MCF2: variants seen among roughly 807,000 people sequenced by gnomAD.
MCF2 encodes the protein MCF.2 cell line derived transforming sequence.
Under a neutral mutation model 82.5 loss-of-function variants are expected in MCF2, and 44 were observed. The ratio of observed to expected loss-of-function variants is 0.53; its 90% CI spans 0.42 to 0.69. MCF2 has a LOEUF of 0.69. Among genes scored for constraint, MCF2 ranks in the 30% least tolerant of loss-of-function variants. The probability of loss-of-function intolerance (pLI) is 0.00; values close to 1 mark genes in which losing one functional copy is unlikely to be tolerated. For missense variants in MCF2, 623 were observed against 663.1 expected, an observed-to-expected ratio of 0.94 and a Z score of 0.66; for synonymous variants, 217 against 224.9, an observed-to-expected ratio of 0.96 and a Z score of 0.32.
In MCF2 at chrX:139,604,667, A is replaced by G. The variant is rs1344816874; in HGVS notation, c.1743+14T>C. 2 of 1,116,538 alleles carry G rather than the reference A, an allele frequency of 1.8e-6. No homozygotes were observed. Among genetic ancestry groups the G allele is most frequent in the Non-Finnish European group, 2.4e-6 (2 of 833,920 alleles). The allele number at this position is 1,116,538 out of a possible 1,213,427, so 92.0% of individuals were successfully genotyped here. A position where few individuals can be genotyped will look rare whatever the true frequency, so the allele number is the denominator to read the frequency against. On this transcript the variant is annotated intron_variant, in intron 15 of 24. Coordinates refer to ENST00000370576, the Ensembl canonical transcript of MCF2. ...GTGCATATTTATATATATTTAAAAAATAATTTAACTAACCCTTTCCAGGAA... is the reference window on the plus strand; with the variant it reads ...GTGCATATTTATATATATTTAAAAAGTAATTTAACTAACCCTTTCCAGGAA...
At chrX:139,628,031 A>T (rs1445834693) in intron 4 of MCF2, among the ~76,000 whole-genome samples, 1 of 112,171 alleles carries the variant, frequency 8.9e-6, no homozygotes, top group Non-Finnish European at 1.9e-5. Context: ...CTTGTTGGGG[A>T]TGTAAATTAG....
chrX:139,681,566 G>T (rs1359456772), intron 1 of MCF2, among the ~76,000 whole-genome samples: 1 of 111,920 alleles, frequency 8.9e-6, no homozygotes, highest in Non-Finnish European at 1.9e-5. Flanking sequence ...ATTATTTTAT[G>T]TGTATCAAAA....
At chrX:139,692,166 G>A (rs1356520664) in intron 1 of MCF2, 4 of 1,037,303 alleles carry the variant, frequency 3.9e-6, no homozygotes, top group East Asian at 3.4e-5. Flanking sequence ...GTAGGGCCGG[G>A]CCCCTGCCGC....
upstream of MCF2, among the ~76,000 whole-genome samples, chrX:139,644,771 G>A (rs575660610): frequency 4.1e-4 from 46 of 111,666 alleles, 1 homozygote; most frequent in African/African-American, 1.2e-3. Context: ...TGGCAATGTT[G>A]GAATCTCAAA....
intron 1 of MCF2, among the ~76,000 whole-genome samples, chrX:139,683,491 A>C (rs1423717163): frequency 8.9e-6 from 1 of 112,447 alleles, no homozygotes; most frequent in Non-Finnish European, 1.9e-5. Context: ...CTAGTCTTAA[A>C]ATTCATATGG....
intron 10 of MCF2, among the ~76,000 whole-genome samples, chrX:139,614,531 G>A (rs1221673356): frequency 3.7e-5 from 4 of 108,993 alleles, no homozygotes; most frequent in African/African-American, 1.3e-4. Flanking sequence ...GTGTGTGTGT[G>A]TGTGTGTGTG....
chrX:139,612,826 T>C (rs976492800), intron 10 of MCF2, among the ~76,000 whole-genome samples: 1 of 111,950 alleles, frequency 8.9e-6, no homozygotes, highest in Non-Finnish European at 1.9e-5. Flanking sequence ...TTTATTAAGC[T>C]GCCTTCATCC....
rs150000637 is a variant in MCF2, at chrX:139,675,591, G to T, written c.-44-23803C>A. ...TGCAGGTCTGTTGGAGTTTGCTGGA[G>T]GTCCACTCCAGACTCTGTTTGCCTG... On this transcript the variant is annotated intron_variant, in intron 1 of 27. Coordinates refer to the MCF2 transcript ENST00000414978. Among the ~76,000 whole-genome samples, 950 of 112,381 alleles carry T rather than the reference G, an allele frequency of 8.5e-3. 13 individuals carry two copies. Among genetic ancestry groups the T allele is most frequent in the African/African-American group, 0.029 (900 of 30,905 alleles).
Position 139,629,049 on chromosome X carries a change from A to T in MCF2, c.438+646T>A, listed in dbSNP as rs552537643. Among the ~76,000 whole-genome samples the T allele has an allele frequency of 4.8e-4, 54 of 112,319 alleles. 1 individual carries two copies. The South Asian group carries it at 0.019, about 40-fold the overall frequency. Reference sequence around the variant, plus strand: ...ACTCCTCCTCAAAAATAAAAAATACAGCCATGCATCACTTAATGTTGGGGA... The same window carrying T: ...ACTCCTCCTCAAAAATAAAAAATACTGCCATGCATCACTTAATGTTGGGGA... On this transcript the variant is annotated intron_variant, in intron 4 of 24. Transcript: ENST00000370576.
intron 6 of MCF2, among the ~76,000 whole-genome samples, chrX:139,624,463 C>T (rs2148478517): frequency 9.3e-6 from 1 of 107,907 alleles, no homozygotes; most frequent in East Asian, 2.9e-4. Context: ...TGGCTTAAGC[C>T]CAGGAGTTTG....
intron 1 of MCF2, among the ~76,000 whole-genome samples, chrX:139,658,541 G>A (rs1934259891): frequency 9.1e-6 from 1 of 110,495 alleles, no homozygotes; most frequent in African/African-American, 3.3e-5. Flanking sequence ...TATTAACAAG[G>A]AAACTTTCTT....
chrX:139,674,763 C>T, intron 1 of MCF2, among the ~76,000 whole-genome samples: 1 of 111,655 alleles, frequency 9.0e-6, no homozygotes, highest in Non-Finnish European at 1.9e-5. Flanking sequence ...ACATTTTTTC[C>T]TTCATGTCAA....
Position 139,604,995 on chromosome X carries a change from T to A in MCF2, c.1558-11A>T. On this transcript the variant is annotated splice_polypyrimidine_tract_variant and intron_variant, in intron 13 of 24. Transcript: ENST00000370576. ...CTCCGCTCTATAACCCTACCCAAAA[T>A]AAATACATTCATGCATTTTAAAATA... 1.0e-6 allele frequency: 1 copy of A among 966,007 alleles called. No homozygotes were observed. The highest frequency in any genetic ancestry group is 1.4e-6 in the Non-Finnish European group (1 of 696,444). 79.6% of individuals were successfully genotyped at this position (966,007 alleles called of 1,213,427 possible). A position where few individuals can be genotyped will look rare whatever the true frequency, so the allele number is the denominator to read the frequency against.
At chrX:139,582,469 C>A (rs1223362785) in exon 25 of MCF2, 4 of 1,209,960 alleles carry the variant, frequency 3.3e-6, no homozygotes, top group Admixed American at 2.2e-5. Context: ...ATAGTAGCTT[C>A]ATCAATATAG....
rs148770270 is a variant in MCF2, at chrX:139,680,868, T to C, written c.-45+27238A>G. On this transcript the variant is annotated intron_variant, in intron 1 of 27. Transcript: ENST00000414978. ...ATCCAATTAAAATGACTTATTTTAG[T>C]TTGTAATGCATGCAGAAGAACACAC... Among the ~76,000 whole-genome samples the C allele has an allele frequency of 5.3e-5, 6 of 112,597 alleles. No individual in the cohort carries two copies. In the East Asian group the frequency reaches 1.7e-3, roughly 32 times the overall value.
At position 139,664,037 on chromosome X, in the gene MCF2, C is replaced by G. The variant is rs767569344; in HGVS notation, c.-44-12249G>C. 3.4e-4 allele frequency among the ~76,000 whole-genome samples: 37 copies of G among 110,215 alleles called. No homozygotes were observed. In the East Asian group the frequency reaches 4.6e-3, roughly 14 times the overall value. On this transcript the variant is annotated intron_variant, in intron 1 of 27. Transcript: ENST00000414978. ...TTTTGTTTTTTGAGGCAGAGTCTCT[C>G]TCTGTCACCCAGGCTGGAGTGCAGT...
At chrX:139,588,279 C>G in intron 21 of MCF2, 81 bp downstream of exon 25, 1 of 720,632 alleles carries the variant, frequency 1.4e-6, no homozygotes, top group Non-Finnish European at 2.1e-6. Context: ...CAGCCCCATT[C>G]TCTGGAAAAA....
chrX:139,619,752 C>A, intron 6 of MCF2, 46 bp from the exon 10 acceptor site: 1 of 993,462 alleles, frequency 1.0e-6, no homozygotes, highest in Non-Finnish European at 1.3e-6. Context: ...AAATTTATCC[C>A]CTTATGATCA....
At chrX:139,605,036 G>T (rs776491278) in intron 13 of MCF2, 52 bp from the exon 18 acceptor site, 1 of 661,963 alleles carries the variant, frequency 1.5e-6, no homozygotes, top group Admixed American at 3.1e-5. Context: ...ATGCACATTT[G>T]GTTGGGCTAC....
Sources: gnomAD v4.1 joint callset for allele counts (sites outside exome capture counted in the v4.1 genomes callset) on GRCh38, gnomAD v4.1.1 for gene constraint, MANE v1.5 for transcripts, NCBI Gene and HGNC (gene_info 2026-07-23, HGNC 2026-07-21) for gene names.